The following AUNIP variants were observed in gnomAD, a reference collection of about 807,000 sequenced individuals.
AUNIP encodes aurora kinase A- and ninein-interacting protein.
AUNIP carries 16 observed loss-of-function variants against 12.2 expected under a neutral mutation model. The ratio of observed to expected loss-of-function variants is 1.31; its 90% CI spans 0.88 to 1.99. The LOEUF is 1.99. AUNIP is among the 30% of genes most tolerant of loss of function. The pLI is 0.00. For missense variants in AUNIP, 411 were observed against 419.1 expected (o/e 0.98, Z 0.17); for synonymous variants, 142 against 154.8 (o/e 0.92, Z 0.61).
chr1:25,837,435 A>G lies in AUNIP; in HGVS notation c.198T>C (p.Ala66=). ...TACCTGGCTGCAAGGTGAAGAAGGAAGCAATGCTTCTCTGGTGAATGCCTG... is the reference window on the plus strand; with the variant it reads ...TACCTGGCTGCAAGGTGAAGAAGGAGGCAATGCTTCTCTGGTGAATGCCTG... The part of the protein sequence containing the change: ...PSTGIHQRSI[A]SFFTLQPGKT... Residue 66 remains alanine (A), a synonymous_variant, in exon 2 of 3, where the codon GCT becomes GCC. Transcript: ENST00000374298. The G allele has an allele frequency of 6.2e-7, 1 of 1,613,894 alleles. No homozygotes were observed. Among genetic ancestry groups the G allele is most frequent in the Middle Eastern group, 1.6e-4 (1 of 6,062 alleles).
Position 25,835,016 on chromosome 1 carries a change from G to A in AUNIP, c.1051C>T (p.Gln351Ter). 6.2e-7 allele frequency: 1 copy of A among 1,610,760 alleles called. No individual in the cohort carries two copies. Among genetic ancestry groups the A allele is most frequent in the South Asian group, 1.1e-5 (1 of 90,828 alleles). The change falls in exon 3 of 3, where the codon CAA (glutamine) becomes TAA (stop). Residue 351 changes from glutamine (Q) to a stop codon, truncating the protein, a stop_gained. Coordinates refer to ENST00000374298, the MANE Select transcript of AUNIP (RefSeq NM_024037.3). LOFTEE classifies it high-confidence loss of function. ...ATTTAGAATTGGTGTCTGATAACTTGATTACCTTCAGAGTCCTGGGTAAAG... is the reference window on the plus strand; with the variant it reads ...ATTTAGAATTGGTGTCTGATAACTTAATTACCTTCAGAGTCCTGGGTAAAG... Reference protein sequence around the residue: ...LLFTQDSEGNQVIRHQF With the variant: ...LLFTQDSEGN
chr1:25,843,114 G>A (rs887475068), intron 1 of AUNIP, among the ~76,000 whole-genome samples: 1 of 150,566 alleles, frequency 6.6e-6, no homozygotes, highest in Non-Finnish European at 1.5e-5. Context: ...CCAGGCTGGA[G>A]TGTAGTGAGC....
intron 1 of AUNIP, among the ~76,000 whole-genome samples, 189 bp from the exon 2 acceptor site, chr1:25,837,743 C>T (rs1006636628): frequency 1.3e-5 from 2 of 152,146 alleles, no homozygotes; most frequent in Non-Finnish European, 2.9e-5. Flanking sequence ...GTGTTTTTCT[C>T]AGGAATCACA....
chr1:25,845,244 A>G (rs72879435), intron 1 of AUNIP, among the ~76,000 whole-genome samples: 3,405 of 152,258 alleles, frequency 0.022, 129 homozygotes, highest in African/African-American at 0.077. Context: ...TAACTTCTAG[A>G]TTAATCTCAA....
At chr1:25,838,497 C>T (rs1000943919) in intron 1 of AUNIP, among the ~76,000 whole-genome samples, 3 of 150,260 alleles carry the variant, frequency 2.0e-5, no homozygotes, top group African/African-American at 4.9e-5. Context: ...AGCAAGACTC[C>T]GTTTCAAAAA....
At chr1:25,849,504 G>C (rs2124509972) in intron 1 of AUNIP, among the ~76,000 whole-genome samples, 1 of 152,226 alleles carries the variant, frequency 6.6e-6, no homozygotes, top group East Asian at 1.9e-4. Context: ...TACAATATCT[G>C]GTCTTTTGTG....
chr1:25,834,509 C>T lies in AUNIP; in HGVS notation c.*484G>A, dbSNP rs1319282052. On this transcript the variant is annotated 3_prime_UTR_variant, in exon 3 of 3. Coordinates refer to ENST00000374298, the MANE Select transcript of AUNIP (RefSeq NM_024037.3). ...GCGCATGCCTGTAGTCCCTGCTATT[C>T]GGGAGGCTGAGGCAGGAGAATCGCT... The T allele has an allele frequency of 5.3e-6, 4 of 752,630 alleles. No homozygotes were observed. The highest frequency in any genetic ancestry group is 1.9e-5 in the African/African-American group (1 of 51,724). 46.6% of individuals were successfully genotyped at this position (752,630 alleles called of 1,614,324 possible). A position where few individuals can be genotyped will look rare whatever the true frequency, so the allele number is the denominator to read the frequency against.
At chr1:25,855,054 T>G (rs1348409080) in intron 1 of AUNIP, among the ~76,000 whole-genome samples, 1 of 151,326 alleles carries the variant, frequency 6.6e-6, no homozygotes, top group Non-Finnish European at 1.5e-5. Flanking sequence ...CCTTCTGGCT[T>G]CAAGCAATTC....
Position 25,834,033 on chromosome 1 carries a change from TAGTTTTACAA to T in AUNIP, c.*950_*959del. ...CTTTGTAAACATTTATTTGGATTCA[TAGTTTTACAA>T]AGGGGATTCCCTCCTATCTTGTGGG... On this transcript the variant is annotated 3_prime_UTR_variant, in exon 3 of 3. Coordinates refer to ENST00000374298, the MANE Select transcript of AUNIP (RefSeq NM_024037.3). 1.0e-6 allele frequency: 1 copy of T among 985,048 alleles called. No individual in the cohort carries two copies. The highest frequency in any genetic ancestry group is 1.2e-6 in the Non-Finnish European group (1 of 829,572). The allele number at this position is 985,048 out of a possible 1,614,324, so 61.0% of individuals were successfully genotyped here.
chr1:25,858,023 C>T (rs1487144524), intron 1 of AUNIP, among the ~76,000 whole-genome samples: 1 of 151,968 alleles, frequency 6.6e-6, no homozygotes, highest in Non-Finnish European at 1.5e-5. Flanking sequence ...AAAAATTAGC[C>T]GGGCGTGGTG....
chr1:25,843,205 T>G (rs1223209232), intron 1 of AUNIP, among the ~76,000 whole-genome samples: 1 of 149,208 alleles, frequency 6.7e-6, no homozygotes, highest in African/African-American at 2.4e-5. Flanking sequence ...TATATATATT[T>G]TACTGCTCAT....
At position 25,858,664 on chromosome 1, in the gene AUNIP, G is replaced by A. The variant is rs111573565; in HGVS notation, c.78+616C>T. Reference sequence around the variant, plus strand: ...GTTAGGCGGGCCTAGGTTAGTTACTGAACCTCAGTTTCCTCATTCCCAGCA... The same window carrying A: ...GTTAGGCGGGCCTAGGTTAGTTACTAAACCTCAGTTTCCTCATTCCCAGCA... On this transcript the variant is annotated intron_variant, in intron 1 of 2. Transcript: ENST00000374298. Among the ~76,000 whole-genome samples the A allele has an allele frequency of 5.5e-3, 843 of 152,280 alleles. 10 individuals are homozygous for A. Among genetic ancestry groups the A allele is most frequent in the African/African-American group, 0.019 (796 of 41,564 alleles).
intron 1 of AUNIP, among the ~76,000 whole-genome samples, chr1:25,855,141 G>A (rs1031847970): frequency 6.6e-6 from 1 of 151,850 alleles, no homozygotes; most frequent in Non-Finnish European, 1.5e-5. Context: ...ATTTTCAGTA[G>A]AGATGGGGTT....
chr1:25,841,756 C>T (rs2048349044), intron 1 of AUNIP, among the ~76,000 whole-genome samples: 1 of 152,122 alleles, frequency 6.6e-6, no homozygotes, highest in African/African-American at 2.4e-5. Context: ...GATCTCCTGA[C>T]CTCGTGATCC....
intron 1 of AUNIP, among the ~76,000 whole-genome samples, chr1:25,843,239 G>A (rs1200564764): frequency 2.7e-5 from 4 of 149,498 alleles, no homozygotes; most frequent in African/African-American, 9.8e-5. Flanking sequence ...AGCCACTCAA[G>A]AGCTTGATGG....
intron 1 of AUNIP, among the ~76,000 whole-genome samples, chr1:25,842,901 C>G (rs2048355417): frequency 6.6e-6 from 1 of 152,116 alleles, no homozygotes; most frequent in Admixed American, 6.5e-5. Flanking sequence ...TGTTCATTAG[C>G]TGGGCACAGT....
In AUNIP at chr1:25,859,264, T is replaced by A. The variant is rs761905416; in HGVS notation, c.78+16A>T. On this transcript the variant is annotated intron_variant, in intron 1 of 2. Transcript: ENST00000374298. The stretch of plus-strand genomic sequence containing the variant: ...CTACCTGGTTCCCAACGCCCTCTCA[T>A]CCCCCAGCGTCCCACCTGCACTTTC... 1.3e-6 allele frequency: 2 copies of A among 1,565,618 alleles called. No homozygotes were observed. The highest frequency in any genetic ancestry group is 1.2e-5 in the South Asian group (1 of 84,892).
In AUNIP at chr1:25,859,412, G is replaced by C; in HGVS notation, c.-55C>G. Reference sequence around the variant, plus strand: ...GCCGGCGCAGGCTCCCGGCGCCTCAGGGAACGCCAGAACCGCGGCCGCCGA... The same window carrying C: ...GCCGGCGCAGGCTCCCGGCGCCTCACGGAACGCCAGAACCGCGGCCGCCGA... On this transcript the variant is annotated 5_prime_UTR_variant, in exon 1 of 3. Transcript: ENST00000374298. 6 of 1,448,012 alleles carry C rather than the reference G, an allele frequency of 4.1e-6. No individual in the cohort carries two copies. The highest frequency in any genetic ancestry group is 5.4e-6 in the Non-Finnish European group (6 of 1,104,566). The allele number at this position is 1,448,012 out of a possible 1,614,324, so 89.7% of individuals were successfully genotyped here. A position where few individuals can be genotyped will look rare whatever the true frequency, so the allele number is the denominator to read the frequency against.
chr1:25,840,413 C>A (rs751709808), intron 1 of AUNIP, among the ~76,000 whole-genome samples: 2 of 152,088 alleles, frequency 1.3e-5, no homozygotes, highest in Non-Finnish European at 1.5e-5. Context: ...CTCAAAAAAA[C>A]AATGTGGAGG....
Sources: gnomAD v4.1 joint callset for allele counts (sites outside exome capture counted in the v4.1 genomes callset) on GRCh38, gnomAD v4.1.1 for gene constraint, MANE v1.5 for transcripts, NCBI Gene and HGNC (gene_info 2026-07-23, HGNC 2026-07-21) for gene names.